The following DMD variants were observed in gnomAD, a reference collection of about 807,000 sequenced individuals.
DMD encodes the protein dystrophin.
A neutral mutation model predicts 330.1 loss-of-function variants in DMD; 63 were observed. The observed-to-expected ratio is 0.19, with a 90% CI of 0.16 to 0.24. DMD has a LOEUF of 0.24. Ranked by LOEUF, DMD falls within the 10% of genes least tolerant of loss-of-function variation. The probability of loss-of-function intolerance (pLI) is 1.00; values close to 1 mark genes in which losing one functional copy is unlikely to be tolerated. For synonymous variants in DMD, 1,223 were observed against 959.8 expected, an observed-to-expected ratio of 1.27 and a Z score of -5.07; for missense variants, 3,344 against 2,684.1, an observed-to-expected ratio of 1.25 and a Z score of -5.43.
intron 41 of DMD, among the ~76,000 whole-genome samples, chrX:32,334,568 G>T (rs2097696133): frequency 9.0e-6 from 1 of 111,518 alleles, no homozygotes; most frequent in African/African-American, 3.3e-5. Context: ...TACATAAGGT[G>T]GTGGCAAACA....
At chrX:32,983,071 G>A (rs1051435987) in intron 2 of DMD, among the ~76,000 whole-genome samples, 6 of 111,596 alleles carry the variant, frequency 5.4e-5, no homozygotes, top group Non-Finnish European at 1.1e-4. Context: ...CTCTGGGAGG[G>A]GCACCCTCAC....
intron 7 of DMD, among the ~76,000 whole-genome samples, chrX:32,757,693 G>A (rs901731365): frequency 3.6e-5 from 4 of 111,801 alleles, no homozygotes; most frequent in African/African-American, 1.3e-4. Flanking sequence ...CCTCCACCAT[G>A]ATTGTGAGGC....
At chrX:32,812,201 A>G (rs768081297) in intron 6 of DMD, among the ~76,000 whole-genome samples, 39 of 111,940 alleles carry the variant, frequency 3.5e-4, no homozygotes, top group African/African-American at 1.2e-3. Context: ...CAGAGTCTAC[A>G]TACAGTTTTA....
intron 44 of DMD, among the ~76,000 whole-genome samples, chrX:32,145,401 T>TTCA (rs1223225675): frequency 1.8e-5 from 2 of 112,025 alleles, no homozygotes; most frequent in Admixed American, 9.5e-5. Context: ...TTTAGTGCAT[T>TTCA]TGAAGTCTCT....
At chrX:32,855,789 CAAGCAATCA>C (rs1331109925) in intron 2 of DMD, among the ~76,000 whole-genome samples, 2 of 111,376 alleles carry the variant, frequency 1.8e-5, no homozygotes, top group African/African-American at 6.5e-5. Context: ...CTACCAAGCA[CAAGCAATCA>C]AAGCAAACAT....
At chrX:32,427,037 T>C (rs73619078) in intron 29 of DMD, among the ~76,000 whole-genome samples, 1,332 of 111,312 alleles carry the variant, frequency 0.012, 25 homozygotes, top group African/African-American at 0.04. Context: ...AAATAATCTG[T>C]ACACCAACCC....
chrX:31,680,308 C>A (rs756444698), intron 52 of DMD, among the ~76,000 whole-genome samples: 1 of 111,383 alleles, frequency 9.0e-6, no homozygotes, highest in Non-Finnish European at 1.9e-5. Context: ...GCTCTTAAAA[C>A]CTTTTCCAAG....
chrX:31,844,193 G>A (rs1436981568), intron 48 of DMD, among the ~76,000 whole-genome samples: 1 of 111,231 alleles, frequency 9.0e-6, no homozygotes, highest in Admixed American at 9.6e-5. Flanking sequence ...AATCCATCTT[G>A]AGTTAATTTT....
Position 32,570,934 on chromosome X carries a change from G to A in DMD, c.1812+2596C>T, listed in dbSNP as rs750934024. ...ATTAAGATTTGGAATTTATCATCATGTAAAATAACTGTACTATTCTGGCAT... is the reference window on the plus strand; with the variant it reads ...ATTAAGATTTGGAATTTATCATCATATAAAATAACTGTACTATTCTGGCAT... On this transcript the variant is annotated intron_variant, in intron 15 of 78. Coordinates refer to ENST00000357033, the MANE Select transcript of DMD (RefSeq NM_004006.3). 3.6e-5 allele frequency among the ~76,000 whole-genome samples: 4 copies of A among 112,050 alleles called. No individual in the cohort carries two copies. The South Asian group carries it at 1.5e-3, about 42-fold the overall frequency.
chrX:32,786,450 T>C (rs917822810), intron 7 of DMD, among the ~76,000 whole-genome samples: 1 of 111,279 alleles, frequency 9.0e-6, no homozygotes, highest in Non-Finnish European at 1.9e-5. Flanking sequence ...CTCCCTTTGA[T>C]AACTTTAGTG....
chrX:32,977,529 A>T lies in DMD; in HGVS notation c.93+42610T>A, dbSNP rs1418564152. On this transcript the variant is annotated intron_variant, in intron 2 of 78. Coordinates refer to ENST00000357033, the MANE Select transcript of DMD (RefSeq NM_004006.3). ...CAACCCAGAGTAATTTCAGAAAAAA[A>T]ATAAAATACCAATATAAGGTGTATT... Among the ~76,000 whole-genome samples, 6 of 110,855 alleles carry T rather than the reference A, an allele frequency of 5.4e-5. No individual in the cohort carries two copies. In the South Asian group the frequency reaches 1.9e-3, roughly 35 times the overall value.
intron 1 of DMD, among the ~76,000 whole-genome samples, chrX:33,116,080 C>A (rs1229552158): frequency 1.8e-5 from 2 of 109,367 alleles, no homozygotes; most frequent in Non-Finnish European, 1.9e-5. Context: ...GTAATCCCTG[C>A]TATTCGGGAG....
chrX:32,526,207 A>G (rs185033865), intron 17 of DMD, among the ~76,000 whole-genome samples: 115 of 112,205 alleles, frequency 1.0e-3, no homozygotes, highest in African/African-American at 3.5e-3. Context: ...TAATAAAAAA[A>G]TAACTTCTCA....
intron 44 of DMD, among the ~76,000 whole-genome samples, chrX:32,176,860 A>C (rs2606664): frequency 0.35 from 39,136 of 110,287 alleles, 5,202 homozygotes; most frequent in Admixed American, 0.45. Context: ...AAATTAACAC[A>C]TCCAAAATAC....
intron 22 of DMD, among the ~76,000 whole-genome samples, chrX:32,470,567 G>A (rs1482756901): frequency 2.7e-5 from 3 of 109,987 alleles, no homozygotes; most frequent in Non-Finnish European, 5.7e-5. Context: ...GCCTTTTCTT[G>A]TGTTTTCTCC....
At chrX:32,467,008 T>C (rs779386854) in intron 23 of DMD, among the ~76,000 whole-genome samples, 37 of 112,087 alleles carry the variant, frequency 3.3e-4, no homozygotes, top group Non-Finnish European at 6.2e-4. Context: ...GGCTCCTTGA[T>C]AACAAGAGCC....
chrX:32,358,387 A>T (rs2097815119), intron 37 of DMD, among the ~76,000 whole-genome samples: 1 of 111,347 alleles, frequency 9.0e-6, no homozygotes, highest in Admixed American at 9.6e-5. Flanking sequence ...CCTAAAACAG[A>T]GACAGTTGAG....
At chrX:32,239,903 AATAATTTT>A (rs1344351240) in intron 43 of DMD, among the ~76,000 whole-genome samples, 2 of 112,119 alleles carry the variant, frequency 1.8e-5, no homozygotes, top group African/African-American at 6.5e-5. Context: ...ACTGTGAGAT[AATAATTTT>A]ATAGCTATCT....
At chrX:32,912,421 A>G (rs1463801482) in intron 2 of DMD, among the ~76,000 whole-genome samples, 5 of 110,925 alleles carry the variant, frequency 4.5e-5, no homozygotes, top group Non-Finnish European at 9.4e-5. Flanking sequence ...AGAGTATACC[A>G]GAGGGCACAT....
Sources: gnomAD v4.1 joint callset for allele counts (sites outside exome capture counted in the v4.1 genomes callset) on GRCh38, gnomAD v4.1.1 for gene constraint, MANE v1.5 for transcripts, NCBI Gene and HGNC (gene_info 2026-07-23, HGNC 2026-07-21) for gene names.